Variants in SSX5 observed in about 807,000 individuals in gnomAD.
SSX5 encodes SSX family member 5.
A neutral mutation model predicts 14.9 loss-of-function variants in SSX5; 14 were observed. The observed-to-expected ratio is 0.94, with a 90% CI of 0.62 to 1.47. The LOEUF (loss-of-function observed/expected upper bound fraction) is 1.47. Among genes scored for constraint, SSX5 ranks in the 40% most tolerant of loss-of-function variants. SSX5 has a pLI of 0.00. For synonymous variants in SSX5, 70 were observed against 55.4 expected, an observed-to-expected ratio of 1.26 and a Z score of -1.17; for missense variants, 204 against 154.6, an observed-to-expected ratio of 1.32 and a Z score of -1.70.
chrX:48,191,093 C>T (rs781997136), intron 5 of SSX5, among the ~76,000 whole-genome samples: 18 of 109,711 alleles, frequency 1.6e-4, no homozygotes, highest in Middle Eastern at 4.6e-3. Flanking sequence ...TTAGTAGAGA[C>T]GAGGTTTCAC....
chrX:48,194,276 T>C (rs1556925386), intron 3 of SSX5, 52 bp from the exon 4 acceptor site: 3 of 1,146,044 alleles, frequency 2.6e-6, no homozygotes, highest in Admixed American at 2.2e-5. Flanking sequence ...AGGCCTGGTA[T>C]GGTGGCTCAT....
At position 48,189,223 on chromosome X, in the gene SSX5, T is replaced by G. The variant is rs1400122323; in HGVS notation, c.466+910A>C. 2.7e-5 allele frequency among the ~76,000 whole-genome samples: 3 copies of G among 112,237 alleles called. No homozygotes were observed. The Admixed American group carries it at 2.9e-4, about 11-fold the overall frequency. Reference sequence around the variant, plus strand: ...GCTACACTAAACAACAGATTTTCAATGTAGATAAAATAGCCTTCTATTGGA... The same window carrying G: ...GCTACACTAAACAACAGATTTTCAAGGTAGATAAAATAGCCTTCTATTGGA... On this transcript the variant is annotated intron_variant, in intron 6 of 7. Coordinates refer to ENST00000347757, the MANE Select transcript of SSX5 (RefSeq NM_175723.2).
intron 6 of SSX5, 65 bp from the exon 7 acceptor site, chrX:48,187,796 A>T: frequency 8.7e-7 from 1 of 1,147,101 alleles, no homozygotes. Context: ...TTGATTGGAG[A>T]GTGTTAGGCT....
At chrX:48,194,909 C>T in intron 2 of SSX5, 55 bp from the exon 3 acceptor site, 1 of 1,204,723 alleles carries the variant, frequency 8.3e-7, no homozygotes, top group Non-Finnish European at 1.1e-6. Context: ...GTCTGCCATT[C>T]AGCTGGAGCC....
At chrX:48,193,166 C>T (rs782368247) in intron 4 of SSX5, among the ~76,000 whole-genome samples, 85 of 111,728 alleles carry the variant, frequency 7.6e-4, no homozygotes, top group African/African-American at 2.6e-3. Flanking sequence ...GTGTTCATCA[C>T]CTTCACTCCT....
chrX:48,187,986 A>T (rs782326035), intron 6 of SSX5, among the ~76,000 whole-genome samples: 1 of 111,327 alleles, frequency 9.0e-6, no homozygotes, highest in Non-Finnish European at 1.9e-5. Context: ...TAGATTCCCA[A>T]CCTCTTCACT....
chrX:48,190,337 G>C, intron 5 of SSX5, 69 bp from the exon 6 acceptor site: 2 of 1,093,444 alleles, frequency 1.8e-6, no homozygotes, highest in Non-Finnish European at 2.4e-6. Flanking sequence ...AGCTTACAAA[G>C]AATCTTCACA....
intron 5 of SSX5, among the ~76,000 whole-genome samples, chrX:48,190,930 G>A (rs1285504980): frequency 1.8e-5 from 2 of 108,784 alleles, no homozygotes; most frequent in African/African-American, 6.7e-5. Context: ...TTTTTGGATG[G>A]AGTCTCGTTC....
intron 3 of SSX5, 78 bp from the exon 4 acceptor site, chrX:48,194,302 T>A: frequency 1.9e-6 from 2 of 1,054,681 alleles, no homozygotes; most frequent in Non-Finnish European, 2.6e-6. Flanking sequence ...TAGTAGCAGC[T>A]CTTTGGGAGG....
At chrX:48,193,216 A>C (rs2059426735) in intron 4 of SSX5, among the ~76,000 whole-genome samples, 1 of 108,252 alleles carries the variant, frequency 9.2e-6, no homozygotes, top group Non-Finnish European at 1.9e-5. Context: ...AATGAAACAA[A>C]CTCTGGAAGT....
chrX:48,191,041 A>G (rs1426136054), intron 5 of SSX5, among the ~76,000 whole-genome samples: 1 of 109,824 alleles, frequency 9.1e-6, no homozygotes, highest in Non-Finnish European at 1.9e-5. Flanking sequence ...AGTATCTGGG[A>G]CTACAGGCAG....
At chrX:48,194,990 G>A in intron 2 of SSX5, 136 bp from the exon 3 acceptor site, 1 of 1,211,728 alleles carries the variant, frequency 8.3e-7, no homozygotes, top group Non-Finnish European at 1.1e-6. Flanking sequence ...CTAACTGACA[G>A]AACATGGGGC....
rs1236460917 is a variant in SSX5, at chrX:48,186,735, G to A, written c.*126C>T. On this transcript the variant is annotated 3_prime_UTR_variant, in exon 8 of 8. Coordinates refer to ENST00000347757, the MANE Select transcript of SSX5 (RefSeq NM_175723.2). Reference sequence around the variant, plus strand: ...GAAAAATGACGCTCAACTTTTCACTGTTGTGAACACTTGCTTTCACTTGCT... The same window carrying A: ...GAAAAATGACGCTCAACTTTTCACTATTGTGAACACTTGCTTTCACTTGCT... 17 of 1,153,284 alleles carry A rather than the reference G, an allele frequency of 1.5e-5. No homozygotes were observed. In the East Asian group the frequency reaches 4.8e-4, roughly 32 times the overall value.
chrX:48,195,511 C>T (rs782608861), intron 1 of SSX5, 133 bp from the exon 2 acceptor site: 2 of 636,664 alleles, frequency 3.1e-6, no homozygotes, highest in African/African-American at 2.2e-5. Context: ...GCTTATCTGT[C>T]CCTGAGTAAG....
intron 4 of SSX5, among the ~76,000 whole-genome samples, chrX:48,193,250 C>T (rs1236118632): frequency 1.2e-5 from 1 of 80,699 alleles, no homozygotes; most frequent in African/African-American, 3.5e-5. Context: ...ACAGTTGTAA[C>T]ATTTTCTTTT....
intron 3 of SSX5, among the ~76,000 whole-genome samples, 161 bp from the exon 4 acceptor site, chrX:48,194,385 G>A (rs2059431935): frequency 9.9e-6 from 1 of 101,301 alleles, no homozygotes; most frequent in African/African-American, 3.6e-5. Flanking sequence ...CTGCACTCTA[G>A]CCTAGGTGAC....
At chrX:48,192,744 C>T (rs782252709) in intron 4 of SSX5, among the ~76,000 whole-genome samples, 1 of 112,087 alleles carries the variant, frequency 8.9e-6, no homozygotes, top group African/African-American at 3.2e-5. Context: ...AGTCCTTTAA[C>T]GTCAAAAACT....
chrX:48,192,217 T>C lies in SSX5; in HGVS notation c.330+15A>G, dbSNP rs782105471. 6 of 1,211,115 alleles carry C rather than the reference T, an allele frequency of 5.0e-6. No individual in the cohort carries two copies. Among genetic ancestry groups the C allele is most frequent in the African/African-American group, 3.5e-5 (2 of 57,775 alleles). On this transcript the variant is annotated intron_variant, in intron 5 of 7. Transcript: ENST00000347757. ...ACAAAGGTTCTCTGGTCCTTTAGAT[T>C]TGAGAGACACTCACCTTCGGGAAGA...
chrX:48,194,713 C>A, intron 3 of SSX5, 27 bp downstream of exon 3: 1 of 1,179,868 alleles, frequency 8.5e-7, no homozygotes, highest in Non-Finnish European at 1.1e-6. Context: ...TATCCCCAGA[C>A]TGTCTGTACC....
Sources: allele counts gnomAD v4.1 joint callset (sites outside exome capture counted in the v4.1 genomes callset), GRCh38; gene constraint gnomAD v4.1.1; transcripts MANE v1.5; gene names NCBI Gene and HGNC (gene_info 2026-07-23, HGNC 2026-07-21).